The following SPATS2L variants were observed in gnomAD, a reference collection of about 807,000 sequenced individuals.
The protein encoded by SPATS2L is SPATS2-like protein.
SPATS2L carries 30 observed loss-of-function variants against 59.6 expected under a neutral mutation model. The ratio of observed to expected loss-of-function variants is 0.50; its 90% confidence interval spans 0.38 to 0.68. The LOEUF (loss-of-function observed/expected upper bound fraction) is 0.68, where lower values mean the gene tolerates loss of function less well. Ranked by LOEUF, SPATS2L falls within the 30% of genes least tolerant of loss-of-function variation. The pLI is 0.00. For missense variants in SPATS2L, 615 were observed against 700.0 expected, an observed-to-expected ratio of 0.88 and a Z score of 1.37; for synonymous variants, 252 against 263.5, an observed-to-expected ratio of 0.96 and a Z score of 0.42.
chr2:200,388,989 G>A (rs908958147), intron 2 of SPATS2L, among the ~76,000 whole-genome samples: 68 of 152,088 alleles, frequency 4.5e-4, no homozygotes, highest in African/African-American at 1.5e-3. Flanking sequence ...TGTCTTTGTC[G>A]TTTTTCATGT....
chr2:200,344,038 TA>T (rs770829315), intron 2 of SPATS2L, among the ~76,000 whole-genome samples: 6 of 151,886 alleles, frequency 4.0e-5, no homozygotes, highest in Admixed American at 6.6e-5. Context: ...CCATAGAGGT[TA>T]TTTTTTTTAA....
intron 2 of SPATS2L, among the ~76,000 whole-genome samples, chr2:200,370,016 G>A (rs1335017180): frequency 6.6e-6 from 1 of 152,218 alleles, no homozygotes; most frequent in African/African-American, 2.4e-5. Flanking sequence ...CCCCAGCAGT[G>A]TAGTGCTAGG....
At chr2:200,381,348 A>T (rs1369225557) in intron 2 of SPATS2L, among the ~76,000 whole-genome samples, 1 of 152,212 alleles carries the variant, frequency 6.6e-6, no homozygotes, top group East Asian at 1.9e-4. Flanking sequence ...ACAAACCTGT[A>T]GTACCTGAGA....
At chr2:200,330,923 A>T (rs1326380428) in intron 2 of SPATS2L, among the ~76,000 whole-genome samples, 2 of 152,232 alleles carry the variant, frequency 1.3e-5, no homozygotes, top group Non-Finnish European at 2.9e-5. Context: ...GACATTAGAC[A>T]TCCCTTCTGT....
chr2:200,307,111 G>A (rs2079044067), intron 1 of SPATS2L, among the ~76,000 whole-genome samples, 189 bp downstream of exon 1: 2 of 150,910 alleles, frequency 1.3e-5, no homozygotes, highest in Admixed American at 6.6e-5. Flanking sequence ...GGCTGGTGGC[G>A]CGGACCGGAC....
chr2:200,416,199 A>G (rs1017943926), intron 4 of SPATS2L, among the ~76,000 whole-genome samples, 180 bp from the exon 5 acceptor site: 24 of 151,976 alleles, frequency 1.6e-4, no homozygotes, highest in Admixed American at 1.5e-3. Flanking sequence ...AGTGAATTAA[A>G]TGAAAATCTG....
intron 2 of SPATS2L, among the ~76,000 whole-genome samples, chr2:200,382,906 T>C (rs1295160180): frequency 6.6e-6 from 1 of 152,246 alleles, no homozygotes; most frequent in East Asian, 1.9e-4. Flanking sequence ...TGTAGGAAAC[T>C]GGCTTTCCCC....
intron 3 of SPATS2L, among the ~76,000 whole-genome samples, chr2:200,405,644 C>G (rs1336636349): frequency 6.6e-6 from 1 of 152,170 alleles, no homozygotes; most frequent in African/African-American, 2.4e-5. Context: ...GCAAAGCATA[C>G]ACAGATGAGC....
chr2:200,416,171 A>G (rs1427635371), intron 4 of SPATS2L, among the ~76,000 whole-genome samples: 5 of 152,054 alleles, frequency 3.3e-5, no homozygotes, highest in Admixed American at 3.3e-4. Flanking sequence ...TAATATTTTG[A>G]TAAAACCAAG....
In SPATS2L at chr2:200,479,950, TAAG is replaced by T; in HGVS notation, c.*1922_*1924del. On this transcript the variant is annotated 3_prime_UTR_variant, in exon 13 of 13. Transcript: ENST00000409140. ...AGGAAGGAAGAGTTGTTCGTTCAAATAAGAAAGATAAATGTTCGGCACTGTAGG... is the reference window on the plus strand; with the variant it reads ...AGGAAGGAAGAGTTGTTCGTTCAAATAAAGATAAATGTTCGGCACTGTAGG... 2.6e-6 allele frequency: 1 copy of T among 390,544 alleles called. No homozygotes were observed. The highest frequency in any genetic ancestry group is 3.6e-5 in the East Asian group (1 of 27,542). The allele number at this position is 390,544 out of a possible 1,614,324, so 24.2% of individuals were successfully genotyped here.
At position 200,398,049 on chromosome 2, in the gene SPATS2L, G is replaced by T. The variant is rs147740733; in HGVS notation, c.39+8766G>T. On this transcript the variant is annotated intron_variant, in intron 3 of 12. Transcript: ENST00000409140. ...AACTTACAATGCAGTATTGAATTTC[G>T]GCAGGCTGATGAGGAGTGTTTAGGC... 2.6e-5 allele frequency among the ~76,000 whole-genome samples: 4 copies of T among 152,250 alleles called. No homozygotes were observed. In the South Asian group the frequency reaches 8.3e-4, roughly 32 times the overall value.
chr2:200,458,495 A>C (rs1438119304), intron 8 of SPATS2L, among the ~76,000 whole-genome samples: 1 of 152,228 alleles, frequency 6.6e-6, no homozygotes, highest in Non-Finnish European at 1.5e-5. Context: ...TCTACATCTA[A>C]TAACAAATTT....
intron 11 of SPATS2L, among the ~76,000 whole-genome samples, chr2:200,470,932 T>A (rs1380496467): frequency 6.6e-6 from 1 of 152,032 alleles, no homozygotes; most frequent in Admixed American, 6.6e-5. Flanking sequence ...AAAATAACAC[T>A]CTGATCACCT....
chr2:200,415,296 G>A (rs1214906956), intron 4 of SPATS2L, among the ~76,000 whole-genome samples: 1 of 152,082 alleles, frequency 6.6e-6, no homozygotes, highest in Non-Finnish European at 1.5e-5. Flanking sequence ...AAGCCATATG[G>A]CCTTCTGCTT....
intron 10 of SPATS2L, chr2:200,469,628 G>T (rs775351824): frequency 1.9e-4 from 56 of 293,156 alleles, no homozygotes; most frequent in Middle Eastern, 9.3e-4. Context: ...TACTAGGAGG[G>T]CGAGGGGTGC....
chr2:200,323,615 A>T (rs1448505501), intron 1 of SPATS2L, among the ~76,000 whole-genome samples: 1 of 152,118 alleles, frequency 6.6e-6, no homozygotes, highest in Non-Finnish European at 1.5e-5. Flanking sequence ...CCTAGCTTAG[A>T]GTCTCTCAGA....
chr2:200,306,427 G>C (rs2594359), upstream of SPATS2L: 3 of 1,002,370 alleles, frequency 3.0e-6, no homozygotes, highest in Admixed American at 1.2e-4. Context: ...AAGTGCGGAA[G>C]CTGTACTGGG....
chr2:200,318,682 G>T (rs766149942), intron 1 of SPATS2L, among the ~76,000 whole-genome samples: 46 of 152,190 alleles, frequency 3.0e-4, no homozygotes, highest in Middle Eastern at 3.4e-3. Flanking sequence ...TTAAGGTGAG[G>T]CATATTTAGA....
At chr2:200,333,713 T>C (rs1409348023) in intron 2 of SPATS2L, among the ~76,000 whole-genome samples, 1 of 152,092 alleles carries the variant, frequency 6.6e-6, no homozygotes, top group Non-Finnish European at 1.5e-5. Flanking sequence ...CCAAGTGTTC[T>C]CATTGTTCAA....
Sources: allele counts gnomAD v4.1 joint callset (sites outside exome capture counted in the v4.1 genomes callset), GRCh38; gene constraint gnomAD v4.1.1; transcripts MANE v1.5; gene names NCBI Gene and HGNC (gene_info 2026-07-23, HGNC 2026-07-21).